Variants in UBE2B observed in about 807,000 individuals in gnomAD.
UBE2B encodes the protein ubiquitin-conjugating enzyme E2 B.
UBE2B carries 11 observed loss-of-function variants against 24.6 expected under a neutral mutation model. The observed-to-expected ratio is 0.45, with a 90% CI of 0.28 to 0.74. The LOEUF (loss-of-function observed/expected upper bound fraction) is 0.74. UBE2B is among the 30% of genes least tolerant of loss of function. The pLI, the probability that UBE2B is intolerant of heterozygous loss-of-function variation, is 0.13. For synonymous variants in UBE2B, 68 were observed against 62.4 expected, an observed-to-expected ratio of 1.09 and a Z score of -0.42; for missense variants, 78 against 185.6, an observed-to-expected ratio of 0.42 and a Z score of 3.37.
rs1292841644 is a variant in UBE2B at position 134,374,428 on chromosome 5, AAAC to A, written c.95_97del (p.Asn32del). On this transcript the variant is annotated inframe_deletion, in exon 2 of 6. Transcript: ENST00000265339. ...TGGGTGTCAGTGGCGCACCATCTGA[AAAC>A]AACATCATGCAGTGGAATGCAGTTA... 6.4e-7 allele frequency: 1 copy of A among 1,557,246 alleles called. No individual in the cohort carries two copies. Among genetic ancestry groups the A allele is most frequent in the Non-Finnish European group, 8.7e-7 (1 of 1,149,358 alleles).
intron 2 of UBE2B, among the ~76,000 whole-genome samples, chr5:134,375,510 G>T (rs765514620): frequency 6.6e-6 from 1 of 152,168 alleles, no homozygotes; most frequent in Non-Finnish European, 1.5e-5. Context: ...TTCTGAATTT[G>T]AGTTGAATAC....
Position 134,376,649 on chromosome 5 carries a change from A to G in UBE2B, c.126-20A>G, listed in dbSNP as rs747455310. ...GCAGAATGAGAAACTTCTTTTAATCAGAAATCTTCTTGTTTTCAGACCAGA... is the reference window on the plus strand; with the variant it reads ...GCAGAATGAGAAACTTCTTTTAATCGGAAATCTTCTTGTTTTCAGACCAGA... On this transcript the variant is annotated intron_variant, in intron 2 of 5. Coordinates refer to ENST00000265339, the MANE Select transcript of UBE2B (RefSeq NM_003337.4). The G allele has an allele frequency of 1.2e-6, 2 of 1,611,192 alleles. No homozygotes were observed.
At position 134,386,093 on chromosome 5, in the gene UBE2B, G is replaced by A. The variant is rs34209292; in HGVS notation, c.242-2232G>A. 2.0e-3 allele frequency among the ~76,000 whole-genome samples: 310 copies of A among 151,858 alleles called. 3 individuals carry two copies. In the Middle Eastern group the frequency reaches 0.027, roughly 13 times the overall value. ...TGTAATCCCAGCACTTTGGGAGACC[G>A]AGGTGGGCAGATCACCTGAGGTCAG... On this transcript the variant is annotated intron_variant, in intron 4 of 5. Coordinates refer to ENST00000265339, the MANE Select transcript of UBE2B (RefSeq NM_003337.4).
At chr5:134,389,288 A>G (rs932536784) in intron 5 of UBE2B, among the ~76,000 whole-genome samples, 2 of 151,990 alleles carry the variant, frequency 1.3e-5, no homozygotes, top group Non-Finnish European at 1.5e-5. Context: ...CAACCTTCCT[A>G]TCTCATTCTC....
intron 4 of UBE2B, among the ~76,000 whole-genome samples, chr5:134,381,050 T>C (rs1196673797): frequency 2.2e-5 from 3 of 137,092 alleles, no homozygotes; most frequent in African/African-American, 5.4e-5. Context: ...CACTGCAAGC[T>C]CCGCCTCCCG....
At chr5:134,388,235 C>T in intron 4 of UBE2B, 90 bp from the exon 5 acceptor site, 1 of 1,131,274 alleles carries the variant, frequency 8.8e-7, no homozygotes, top group South Asian at 1.3e-5. Context: ...ATATTTAAAA[C>T]TTCTAAGCCA....
chr5:134,389,307 A>G (rs1399384224), intron 5 of UBE2B, among the ~76,000 whole-genome samples: 1 of 152,086 alleles, frequency 6.6e-6, no homozygotes, highest in African/African-American at 2.4e-5. Context: ...TCTTCCTGCT[A>G]AATGTATATG....
intron 4 of UBE2B, among the ~76,000 whole-genome samples, chr5:134,387,152 G>T (rs2149693755): frequency 6.6e-6 from 1 of 152,052 alleles, no homozygotes; most frequent in East Asian, 1.9e-4. Flanking sequence ...TAGAGACAGG[G>T]TTTCACCATG....
rs1331542848 is a variant in UBE2B at position 134,392,101 on chromosome 5, T to C, written c.*1748T>C. ...TTAATTGTGTGGTGCTTTTATAGTT[T>C]AGCTCCAAAACAAACTATAGACATT... On this transcript the variant is annotated 3_prime_UTR_variant, in exon 6 of 6. Transcript: ENST00000265339. The C allele has an allele frequency of 2.6e-5, 4 of 152,238 alleles. No homozygotes were observed. The highest frequency in any genetic ancestry group is 1.3e-4 in the Admixed American group (2 of 15,284). The allele number at this position is 152,238 out of a possible 1,614,324, so 9.4% of individuals were successfully genotyped here. A position where few individuals can be genotyped will look rare whatever the true frequency, so the allele number is the denominator to read the frequency against.
intron 5 of UBE2B, chr5:134,388,977 T>C (rs1490902508): frequency 3.1e-6 from 1 of 320,332 alleles, no homozygotes; most frequent in East Asian, 1.1e-4. Flanking sequence ...TTTGAGACAG[T>C]GTCTTGCTCT....
chr5:134,371,575 A>T lies in UBE2B; in HGVS notation c.-21A>T. ...GCGGGACTTTTTTTTTTTCAGACTG[A>T]CCGCGGGGCAGCTGCGGAGCATGTC... On this transcript the variant is annotated 5_prime_UTR_variant, in exon 1 of 6. Transcript: ENST00000265339. 6.2e-7 allele frequency: 1 copy of T among 1,608,614 alleles called. No homozygotes were observed. The highest frequency in any genetic ancestry group is 1.7e-5 in the Admixed American group (1 of 59,754).
chr5:134,374,725 C>T (rs973892935), intron 2 of UBE2B: 6 of 440,838 alleles, frequency 1.4e-5, no homozygotes, highest in African/African-American at 8.0e-5. Context: ...TGTCCCCTCC[C>T]CACCAAAAAA....
At chr5:134,383,387 G>A (rs566229344) in intron 4 of UBE2B, among the ~76,000 whole-genome samples, 19 of 150,776 alleles carry the variant, frequency 1.3e-4, no homozygotes, top group Admixed American at 4.6e-4. Flanking sequence ...TCGACTCATC[G>A]CAACCATTAC....
rs1758892561 is a variant in UBE2B, at chr5:134,391,284, T to C, written c.*931T>C. 1 of 152,386 alleles carries C rather than the reference T, an allele frequency of 6.6e-6. No individual in the cohort carries two copies. The highest frequency in any genetic ancestry group is 2.1e-4 in the South Asian group (1 of 4,832). 9.4% of individuals were successfully genotyped at this position (152,386 alleles called of 1,614,324 possible). ...GGGAAATCTTGGTGTAACTTAAATA[T>C]TTGAAAATTACCTTTAATGCAATGC... On this transcript the variant is annotated 3_prime_UTR_variant, in exon 6 of 6. Transcript: ENST00000265339.
chr5:134,372,213 C>T (rs1015174700), intron 1 of UBE2B, among the ~76,000 whole-genome samples: 3 of 152,170 alleles, frequency 2.0e-5, no homozygotes, highest in Non-Finnish European at 4.4e-5. Context: ...CTGAAAGGAC[C>T]TTGGGAACTG....
chr5:134,373,393 CA>C (rs1229890896), intron 1 of UBE2B, among the ~76,000 whole-genome samples: 4 of 151,356 alleles, frequency 2.6e-5, no homozygotes, highest in African/African-American at 9.7e-5. Flanking sequence ...GCAGCAAAAT[CA>C]ATGGTTCTGT....
chr5:134,378,341 C>G (rs1352266746), intron 3 of UBE2B, among the ~76,000 whole-genome samples: 1 of 152,078 alleles, frequency 6.6e-6, no homozygotes. Flanking sequence ...CTCACTGAAG[C>G]CTCCGCCTCC....
At chr5:134,374,612 C>T in intron 2 of UBE2B, 149 bp downstream of exon 2, 1 of 936,000 alleles carries the variant, frequency 1.1e-6, no homozygotes, top group Non-Finnish European at 1.6e-6. Context: ...AAAAATATTT[C>T]AATTAGAGTT....
chr5:134,380,268 A>G (rs1026454794), intron 3 of UBE2B, among the ~76,000 whole-genome samples: 7 of 152,232 alleles, frequency 4.6e-5, no homozygotes, highest in Admixed American at 4.6e-4. Flanking sequence ...TGTGAGACGG[A>G]GTCTTGCTTT....
Sources: gnomAD v4.1 joint callset for allele counts (sites outside exome capture counted in the v4.1 genomes callset) on GRCh38, gnomAD v4.1.1 for gene constraint, MANE v1.5 for transcripts, NCBI Gene and HGNC (gene_info 2026-07-23, HGNC 2026-07-21) for gene names.